Variants in SLC24A2 observed in about 807,000 individuals in gnomAD.
SLC24A2 encodes the protein solute carrier family 24 member 2.
A neutral mutation model predicts 62.0 loss-of-function variants in SLC24A2; 36 were observed. That is an observed-to-expected ratio of 0.58 (90% CI 0.44 to 0.77). The LOEUF (loss-of-function observed/expected upper bound fraction) is 0.77. Ranked by LOEUF, SLC24A2 falls within the 30% of genes least tolerant of loss-of-function variation. The pLI is 0.00. For synonymous variants in SLC24A2, 358 were observed against 294.0 expected, an observed-to-expected ratio of 1.22 and a Z score of -2.23; for missense variants, 846 against 817.9, an observed-to-expected ratio of 1.03 and a Z score of -0.42.
chr9:19,918,990 C>G, the SLC24A2 span, among the ~76,000 whole-genome samples: 1 of 152,200 alleles, frequency 6.6e-6, no homozygotes, highest in African/African-American at 2.4e-5. Flanking sequence ...TCCCCAGGAT[C>G]TGAAGATAGG....
chr9:19,547,717 G>C (rs1009499808), intron 8 of SLC24A2, among the ~76,000 whole-genome samples: 1 of 151,454 alleles, frequency 6.6e-6, no homozygotes, highest in Non-Finnish European at 1.5e-5. Context: ...CCCATCTTCT[G>C]GGGGCCACAC....
the SLC24A2 span, among the ~76,000 whole-genome samples, chr9:20,227,554 G>T: frequency 1.5e-5 from 2 of 129,402 alleles, no homozygotes; most frequent in East Asian, 2.9e-4. Flanking sequence ...AAAAAAAAAA[G>T]GCTAAGCAGA....
intron 5 of SLC24A2, among the ~76,000 whole-genome samples, chr9:19,581,431 C>G (rs12342666): frequency 0.11 from 16,946 of 152,084 alleles, 984 homozygotes; most frequent in African/African-American, 0.14. Context: ...CATGAAGCAC[C>G]AGGTTCTTAA....
At chr9:20,243,555 T>C in the SLC24A2 span, among the ~76,000 whole-genome samples, 1 of 152,228 alleles carries the variant, frequency 6.6e-6, no homozygotes, top group African/African-American at 2.4e-5. Context: ...ATCATTTTAC[T>C]AGCCAGATTG....
the SLC24A2 span, among the ~76,000 whole-genome samples, chr9:19,807,232 A>C: frequency 9.1e-4 from 138 of 152,368 alleles, no homozygotes; most frequent in African/African-American, 3.1e-3. Flanking sequence ...TTAAGTTAGT[A>C]AAGTGGTGCA....
rs1833803321 is a variant in SLC24A2 at position 19,533,466 on chromosome 9, C to G, written c.1480-5328G>C. Among the ~76,000 whole-genome samples the G allele has an allele frequency of 3.9e-5, 6 of 152,142 alleles. No individual in the cohort carries two copies. In the South Asian group the frequency reaches 1.2e-3, roughly 31 times the overall value. ...GGGCTGGCCTTATGACTTGCTTTGA[C>G]CAAAAGAATGTATTGGAAGTGACAG... On this transcript the variant is annotated intron_variant, in intron 8 of 10. Coordinates refer to ENST00000341998, the MANE Select transcript of SLC24A2 (RefSeq NM_020344.4).
chr9:20,254,275 G>A, the SLC24A2 span, among the ~76,000 whole-genome samples: 1 of 152,126 alleles, frequency 6.6e-6, no homozygotes, highest in African/African-American at 2.4e-5. Flanking sequence ...GTTTCTTAGG[G>A]AGGGTGAGAC....
the SLC24A2 span, among the ~76,000 whole-genome samples, chr9:19,886,170 C>T: frequency 6.6e-6 from 1 of 152,196 alleles, no homozygotes; most frequent in Non-Finnish European, 1.5e-5. Flanking sequence ...TGAGAAGTCG[C>T]CACACTGCTT....
At chr9:19,891,722 G>T in the SLC24A2 span, among the ~76,000 whole-genome samples, 1 of 151,840 alleles carries the variant, frequency 6.6e-6, no homozygotes, top group Admixed American at 6.6e-5. Context: ...CTCCATCCTG[G>T]GTGACAGAGC....
At chr9:20,210,794 G>A in the SLC24A2 span, among the ~76,000 whole-genome samples, 2 of 150,166 alleles carry the variant, frequency 1.3e-5, no homozygotes, top group South Asian at 2.1e-4. Flanking sequence ...GTGAGCCACC[G>A]CGCCCGGCCA....
the SLC24A2 span, among the ~76,000 whole-genome samples, chr9:19,809,138 T>G: frequency 6.6e-6 from 1 of 152,208 alleles, no homozygotes; most frequent in Non-Finnish European, 1.5e-5. Flanking sequence ...TGTACATGTA[T>G]AACTTTAATT....
the SLC24A2 span, among the ~76,000 whole-genome samples, chr9:20,230,656 G>A: frequency 6.6e-6 from 1 of 152,074 alleles, no homozygotes; most frequent in African/African-American, 2.4e-5. Flanking sequence ...CGAGTAGATT[G>A]CAAAAATTTT....
At chr9:19,874,293 A>C in the SLC24A2 span, among the ~76,000 whole-genome samples, 3 of 151,824 alleles carry the variant, frequency 2.0e-5, no homozygotes, top group African/African-American at 7.3e-5. Context: ...TTGGCCAGGC[A>C]TATTTTTCAA....
chr9:19,525,024 G>C (rs1833368917), intron 9 of SLC24A2, among the ~76,000 whole-genome samples: 2 of 152,200 alleles, frequency 1.3e-5, no homozygotes, highest in Admixed American at 1.3e-4. Flanking sequence ...TTTCAGCCTG[G>C]ACATCTGGAG....
chr9:20,047,807 A>G, the SLC24A2 span, among the ~76,000 whole-genome samples: 2 of 151,556 alleles, frequency 1.3e-5, no homozygotes, highest in Non-Finnish European at 2.9e-5. Context: ...CTTGGGGGTT[A>G]GGATTTTAAC....
chr9:19,954,618 T>C, the SLC24A2 span, among the ~76,000 whole-genome samples: 1 of 152,012 alleles, frequency 6.6e-6, no homozygotes, highest in Non-Finnish European at 1.5e-5. Context: ...AGAGTCCATA[T>C]TATATCCACC....
At chr9:20,151,563 G>T in the SLC24A2 span, among the ~76,000 whole-genome samples, 3 of 151,866 alleles carry the variant, frequency 2.0e-5, no homozygotes, top group African/African-American at 7.2e-5. Flanking sequence ...AGGCAAGAAA[G>T]TTAGGAGAAA....
intron 2 of SLC24A2, among the ~76,000 whole-genome samples, chr9:19,663,622 A>G (rs1819166826): frequency 6.6e-6 from 1 of 151,772 alleles, no homozygotes; most frequent in East Asian, 1.9e-4. Flanking sequence ...GCAGGGGTCA[A>G]CTCCAGCTTT....
At chr9:20,136,551 C>G in the SLC24A2 span, among the ~76,000 whole-genome samples, 1 of 152,130 alleles carries the variant, frequency 6.6e-6, no homozygotes, top group African/African-American at 2.4e-5. Flanking sequence ...GAAAGGAAGC[C>G]TTAATGCTGA....
Sources: gnomAD v4.1 joint callset for allele counts (sites outside exome capture counted in the v4.1 genomes callset) on GRCh38, gnomAD v4.1.1 for gene constraint, MANE v1.5 for transcripts, NCBI Gene and HGNC (gene_info 2026-07-23, HGNC 2026-07-21) for gene names.